The following KIF27 variants were observed in gnomAD, a reference collection of about 807,000 sequenced individuals.
The protein encoded by KIF27 is kinesin family member 27.
Under a neutral mutation model 141.8 loss-of-function variants are expected in KIF27, and 84 were observed. The ratio of observed to expected loss-of-function variants is 0.59; its 90% CI spans 0.50 to 0.71. The LOEUF is 0.71. Ranked by LOEUF, KIF27 falls within the 30% of genes least tolerant of loss-of-function variation. The probability of loss-of-function intolerance (pLI) is 0.00; values close to 1 mark genes in which losing one functional copy is unlikely to be tolerated. For missense variants in KIF27, 1,306 were observed against 1,628.4 expected, an observed-to-expected ratio of 0.80 and a Z score of 3.41; for synonymous variants, 471 against 569.5, an observed-to-expected ratio of 0.83 and a Z score of 2.46.
intron 11 of KIF27, among the ~76,000 whole-genome samples, chr9:83,875,464 G>C (rs1251558721): frequency 6.6e-6 from 1 of 152,138 alleles, no homozygotes; most frequent in Non-Finnish European, 1.5e-5. Context: ...AGAGGTTGGA[G>C]CTCAAAGAAC....
At position 83,850,295 on chromosome 9, in the gene KIF27, CACCTA is replaced by C; in HGVS notation, c.3358-3_3359del. 6.2e-7 allele frequency: 1 copy of C among 1,608,962 alleles called. No individual in the cohort carries two copies. The highest frequency in any genetic ancestry group is 2.2e-5 in the East Asian group (1 of 44,858). ...TCCGTTCAGCTTCTCGCAAATTCAC[CACCTA>C]ACAAATACATATTTTGACCTGTTAA... On this transcript the variant is annotated splice_acceptor_variant and splice_polypyrimidine_tract_variant and coding_sequence_variant and intron_variant, in exon 16 of 18. Coordinates refer to ENST00000297814, the MANE Select transcript of KIF27 (RefSeq NM_017576.4). LOFTEE classifies it high-confidence loss of function.
intron 11 of KIF27, among the ~76,000 whole-genome samples, chr9:83,879,554 T>G (rs1293076886): frequency 1.3e-5 from 2 of 152,054 alleles, no homozygotes; most frequent in Non-Finnish European, 2.9e-5. Context: ...GGGTTCAGCT[T>G]AACATTTCAA....
chr9:83,878,479 T>C (rs1225530469), intron 11 of KIF27, among the ~76,000 whole-genome samples: 4 of 152,162 alleles, frequency 2.6e-5, no homozygotes, highest in Non-Finnish European at 4.4e-5. Context: ...TTATTCACAA[T>C]AGCCAAATGG....
intron 16 of KIF27, chr9:83,848,048 T>TG (rs1947557000): frequency 3.6e-5 from 3 of 84,104 alleles, no homozygotes; most frequent in East Asian, 6.8e-4. Context: ...TATATCTACA[T>TG]ATATCTATAT....
intron 1 of KIF27, among the ~76,000 whole-genome samples, chr9:83,919,867 G>A (rs1378120833): frequency 6.6e-6 from 1 of 151,984 alleles, no homozygotes; most frequent in Non-Finnish European, 1.5e-5. Flanking sequence ...CATTTCTTGG[G>A]GTTTTTAATG....
At chr9:83,883,668 C>T (rs951837016) in intron 10 of KIF27, 145 bp downstream of exon 10, 3 of 565,696 alleles carry the variant, frequency 5.3e-6, no homozygotes, top group East Asian at 2.9e-5. Flanking sequence ...ATATGTAAAT[C>T]GACCAGCACA....
rs1376251326 is a variant in KIF27, at chr9:83,903,856, T to G, written c.662A>C (p.Asn221Thr). 6.2e-7 allele frequency: 1 copy of G among 1,614,190 alleles called. No individual in the cohort carries two copies. The highest frequency in any genetic ancestry group is 1.1e-5 in the South Asian group (1 of 91,080). The change falls in exon 4 of 18, where the codon AAT (asparagine) becomes ACT (threonine). Residue 221 changes from asparagine to threonine, a missense_variant. Physicochemically the swap from Asn to Thr is moderately conservative, Grantham distance 65. This residue lies in a region of KIF27 where 533 missense variants were observed against 565.6 expected (regional missense o/e 0.94). Transcript: ENST00000297814. The stretch of plus-strand genomic sequence containing the variant: ...TGATCCATCTTCAGCTGCCTCCATA[T>G]TTTTATGAACTTGACAAATGCTGAT... ...FTISICQVHKNMEAAEDGSWY... is the reference protein window; with the variant it reads ...FTISICQVHKTMEAAEDGSWY...
At chr9:83,839,356 C>T (rs1946298173) in intron 17 of KIF27, among the ~76,000 whole-genome samples, 1 of 152,114 alleles carries the variant, frequency 6.6e-6, no homozygotes, top group African/African-American at 2.4e-5. Flanking sequence ...GATTAATTTG[C>T]CCAAGGTCAA....
Position 83,903,392 on chromosome 9 carries a change from C to G in KIF27, c.1126G>C (p.Gly376Arg), listed in dbSNP as rs200024207. 157 of 1,614,016 alleles carry G rather than the reference C, an allele frequency of 9.7e-5. 2 individuals carry two copies. Among genetic ancestry groups the G allele is most frequent in the Non-Finnish European group, 1.2e-4 (142 of 1,180,020 alleles). The part of the protein sequence containing the change: ...LREALQSQQA[G>R]VSQTTQINRE... Reference sequence around the variant, plus strand: ...TTGATCTGGGTAGTTTGGCTGACACCAGCCTGCTGGCTTTGCAAAGCTTCT... The same window carrying G: ...TTGATCTGGGTAGTTTGGCTGACACGAGCCTGCTGGCTTTGCAAAGCTTCT... The change falls in exon 4 of 18, where the codon GGT becomes CGT. Residue 376 changes from glycine to arginine, a missense_variant. This residue lies in a region of KIF27 where 533 missense variants were observed against 565.6 expected (regional missense o/e 0.94). Transcript: ENST00000297814.
chr9:83,835,502 GAT>G lies in KIF27; in HGVS notation c.*1497_*1498del, dbSNP rs1256951287. On this transcript the variant is annotated 3_prime_UTR_variant, in exon 18 of 18. Transcript: ENST00000297814. ...ATAAATTTTAGTACCATGCTTAAGA[GAT>G]ATTTTCCTTTTTATAAGTTTGTTTT... is the stretch of plus-strand genomic sequence containing the variant. The G allele has an allele frequency of 6.6e-6, 1 of 152,076 alleles. No individual in the cohort carries two copies. The highest frequency in any genetic ancestry group is 2.4e-5 in the African/African-American group (1 of 41,418). The allele number at this position is 152,076 out of a possible 1,614,324, so 9.4% of individuals were successfully genotyped here.
chr9:83,842,893 A>C (rs759161153), intron 16 of KIF27, among the ~76,000 whole-genome samples: 1 of 152,198 alleles, frequency 6.6e-6, no homozygotes, highest in Admixed American at 6.5e-5. Flanking sequence ...AAAATTTCCC[A>C]AAGTAGGATT....
intron 11 of KIF27, among the ~76,000 whole-genome samples, chr9:83,871,691 CT>C (rs1372606607): frequency 1.5e-3 from 221 of 143,160 alleles, no homozygotes; most frequent in Admixed American, 2.1e-3. Flanking sequence ...CCATCCACAT[CT>C]TTTTTTTTTT....
At chr9:83,854,684 T>C (rs1036264829) in intron 14 of KIF27, among the ~76,000 whole-genome samples, 54 of 152,308 alleles carry the variant, frequency 3.5e-4, no homozygotes, top group Middle Eastern at 6.8e-3. Flanking sequence ...TACAGGCACA[T>C]GCCACCATGC....
At chr9:83,884,684 TAAC>T (rs1459333222) in intron 9 of KIF27, among the ~76,000 whole-genome samples, 6 of 152,156 alleles carry the variant, frequency 3.9e-5, no homozygotes, top group Non-Finnish European at 5.9e-5. Flanking sequence ...ATTATCACAC[TAAC>T]AATATTAACA....
At chr9:83,898,637 T>C (rs1953515320) in intron 5 of KIF27, 1 of 152,196 alleles carries the variant, frequency 6.6e-6, no homozygotes, top group Non-Finnish European at 1.5e-5. Flanking sequence ...GTATATACTT[T>C]AGTTTTATGT....
At chr9:83,920,958 G>A (rs1170914050) in intron 1 of KIF27, among the ~76,000 whole-genome samples, 1 of 152,068 alleles carries the variant, frequency 6.6e-6, no homozygotes, top group Non-Finnish European at 1.5e-5. Flanking sequence ...AAAACAAAGC[G>A]CTCGGTGGTG....
At chr9:83,900,140 A>C (rs1216358508) in intron 4 of KIF27, among the ~76,000 whole-genome samples, 1 of 152,196 alleles carries the variant, frequency 6.6e-6, no homozygotes, top group Non-Finnish European at 1.5e-5. Flanking sequence ...TGGATCACTC[A>C]AAGAGCTCAC....
Position 83,903,110 on chromosome 9 carries a change from G to T in KIF27, c.1408C>A (p.Pro470Thr). ...AGCTGGAGAACTGTAACATGCTGTGGTCCTTCTTCCAGACTTGCAGTGCCT... is the reference window on the plus strand; with the variant it reads ...AGCTGGAGAACTGTAACATGCTGTGTTCCTTCTTCCAGACTTGCAGTGCCT... ...IGGTASLEEG[P>T]QHVTVLQLKR... Residue 470 changes from proline (P) to threonine (T), a missense_variant, in exon 4 of 18, where the codon CCA becomes ACA. This residue lies in a region of KIF27 where 533 missense variants were observed against 565.6 expected (regional missense o/e 0.94). Coordinates refer to ENST00000297814, the MANE Select transcript of KIF27 (RefSeq NM_017576.4). 6.2e-7 allele frequency: 1 copy of T among 1,614,114 alleles called. No homozygotes were observed. Among genetic ancestry groups the T allele is most frequent in the Non-Finnish European group, 8.5e-7 (1 of 1,180,000 alleles).
chr9:83,844,054 T>C (rs143349689), intron 16 of KIF27, among the ~76,000 whole-genome samples: 2 of 152,138 alleles, frequency 1.3e-5, no homozygotes, highest in Non-Finnish European at 2.9e-5. Flanking sequence ...GCACACCCAC[T>C]CTTAATCTGG....
Sources: gnomAD v4.1 joint callset for allele counts (sites outside exome capture counted in the v4.1 genomes callset) on GRCh38, gnomAD v4.1.1 for gene constraint, gnomAD v4.1.1 regional missense constraint, MANE v1.5 for transcripts, NCBI Gene and HGNC (gene_info 2026-07-23, HGNC 2026-07-21) for gene names.